Variants in RHOH observed in about 807,000 individuals in gnomAD.
RHOH encodes rho-related GTP-binding protein RhoH.
RHOH carries 6 observed loss-of-function variants against 13.8 expected under a neutral mutation model. The ratio of observed to expected loss-of-function variants is 0.44; its 90% CI spans 0.24 to 0.86. RHOH has a LOEUF of 0.86. Among genes scored for constraint, RHOH ranks in the 40% least tolerant of loss-of-function variants. RHOH has a pLI of 0.24. For missense variants in RHOH, 147 were observed against 244.5 expected, an observed-to-expected ratio of 0.60 and a Z score of 2.66; for synonymous variants, 117 against 103.0, an observed-to-expected ratio of 1.14 and a Z score of -0.82.
At chr4:40,203,433 G>A (rs1724267043) in intron 1 of RHOH, among the ~76,000 whole-genome samples, 1 of 152,182 alleles carries the variant, frequency 6.6e-6, no homozygotes, top group Admixed American at 6.5e-5. Context: ...TGAAGACTCT[G>A]ATGTGAATTG....
Position 40,243,794 on chromosome 4 carries a change from G to T in RHOH, c.408G>T (p.Gly136=). Residue 136 remains glycine, a synonymous_variant, in exon 3 of 3, where the codon GGG becomes GGT. Coordinates refer to ENST00000381799, the MANE Select transcript of RHOH (RefSeq NM_004310.5). The surrounding 1 kb of genome is among the most constrained non-coding windows in gnomAD (Gnocchi z 6.2). ...CCTCCTGCGTCAATGCCATGGAAGG[G>T]AAGAAACTGGCCCAGGATGTCAGAG... ...HRASCVNAME[G]KKLAQDVRAK... The T allele has an allele frequency of 6.2e-7, 1 of 1,614,148 alleles. No individual in the cohort carries two copies.
chr4:40,221,381 G>A (rs887901992), intron 1 of RHOH, among the ~76,000 whole-genome samples: 1 of 152,148 alleles, frequency 6.6e-6, no homozygotes, highest in African/African-American at 2.4e-5. Flanking sequence ...TACACAAACT[G>A]AAGGTTTGTG....
chr4:40,245,130 C>CACACAATAA lies in RHOH; in HGVS notation c.*1169_*1170insCACAATAAA, dbSNP rs1161870193. 1.3e-5 allele frequency: 2 copies of CACACAATAA among 152,196 alleles called. No individual in the cohort carries two copies. Among genetic ancestry groups the CACACAATAA allele is most frequent in the Non-Finnish European group, 2.9e-5 (2 of 68,038 alleles). 9.4% of individuals were successfully genotyped at this position (152,196 alleles called of 1,614,324 possible). On this transcript the variant is annotated 3_prime_UTR_variant, in exon 3 of 3. Coordinates refer to ENST00000381799, the MANE Select transcript of RHOH (RefSeq NM_004310.5). Reference sequence around the variant, plus strand: ...GAAATACTGAATAAATAGACACACACATACTCGCACACAACCTGCTCTCAC... The same window carrying CACACAATAA: ...GAAATACTGAATAAATAGACACACACACACAATAAATACTCGCACACAACCTGCTCTCAC...
intron 1 of RHOH, among the ~76,000 whole-genome samples, chr4:40,208,731 A>C (rs1486792152): frequency 6.6e-6 from 1 of 152,186 alleles, no homozygotes; most frequent in African/African-American, 2.4e-5. Flanking sequence ...AAGGTGTTTT[A>C]TTATAAAAGC....
upstream of RHOH, among the ~76,000 whole-genome samples, chr4:40,196,176 A>C (rs540699717): frequency 6.6e-6 from 1 of 152,340 alleles, no homozygotes; most frequent in African/African-American, 2.4e-5. Context: ...GCACTGATAA[A>C]ATAAAATAAA....
chr4:40,204,157 G>A (rs77279372), intron 1 of RHOH, among the ~76,000 whole-genome samples: 1,683 of 152,308 alleles, frequency 0.011, 33 homozygotes, highest in African/African-American at 0.038. Context: ...GGCTTTGGAA[G>A]TTTAGTGATT....
At chr4:40,242,661 CA>C (rs1413610732) in intron 1 of RHOH, 52 bp from the exon 2 acceptor site, 1 of 152,172 alleles carries the variant, frequency 6.6e-6, no homozygotes, top group Non-Finnish European at 1.5e-5. Context: ...AGTCAATAAA[CA>C]AAAAGAAATG....
chr4:40,240,870 C>CT (rs148332376), intron 1 of RHOH, among the ~76,000 whole-genome samples: 10,195 of 151,724 alleles, frequency 0.067, 1,137 homozygotes, highest in African/African-American at 0.23. Flanking sequence ...TCAAATAAAA[C>CT]TTAAGGCCAG....
intron 1 of RHOH, among the ~76,000 whole-genome samples, chr4:40,224,570 TGGG>T (rs1474206976): frequency 2.0e-5 from 3 of 152,196 alleles, no homozygotes; most frequent in Non-Finnish European, 4.4e-5. Flanking sequence ...AAAACCAGTG[TGGG>T]TCTGTTTTTT....
chr4:40,218,699 A>G lies in RHOH; in HGVS notation c.-331+21399A>G, dbSNP rs1726173539. Among the ~76,000 whole-genome samples, 1 of 152,252 alleles carries G rather than the reference A, an allele frequency of 6.6e-6. No individual in the cohort carries two copies. The highest frequency in any genetic ancestry group is 2.4e-5 in the African/African-American group (1 of 41,472). On this transcript the variant is annotated intron_variant, in intron 1 of 2. Coordinates refer to ENST00000381799, the MANE Select transcript of RHOH (RefSeq NM_004310.5). The surrounding 1 kb of genome is among the most constrained non-coding windows in gnomAD (Gnocchi z 4.1). ...GCAGCATGTGATATTGATGGTTCAC[A>G]GAAACATGAACTACCAGCCTTGGAG...
intron 1 of RHOH, among the ~76,000 whole-genome samples, chr4:40,230,068 G>A (rs748130101): frequency 6.6e-6 from 1 of 150,824 alleles, no homozygotes; most frequent in Non-Finnish European, 1.5e-5. Context: ...TTTTTGAGAC[G>A]GAGTCTCACT....
intron 1 of RHOH, among the ~76,000 whole-genome samples, chr4:40,227,652 C>G (rs1560276248): frequency 6.7e-6 from 1 of 148,970 alleles, no homozygotes; most frequent in African/African-American, 2.5e-5. Flanking sequence ...TACCTGGGCA[C>G]TATATATATA....
upstream of RHOH, among the ~76,000 whole-genome samples, chr4:40,195,655 AGGCT>A (rs1014340150): frequency 1.4e-4 from 21 of 152,044 alleles, no homozygotes; most frequent in African/African-American, 4.8e-4. Context: ...TACGTTGCCC[AGGCT>A]GGTCCCGAAC....
At chr4:40,201,528 T>C (rs1560682367) in intron 1 of RHOH, among the ~76,000 whole-genome samples, 1 of 152,228 alleles carries the variant, frequency 6.6e-6, no homozygotes, top group Non-Finnish European at 1.5e-5. Context: ...AAATGCTATA[T>C]AATATTGTGC....
chr4:40,241,316 C>T (rs931191333), intron 1 of RHOH, among the ~76,000 whole-genome samples: 12 of 152,176 alleles, frequency 7.9e-5, no homozygotes, highest in Admixed American at 3.9e-4. Context: ...ATGGATAACT[C>T]GATGGCTTCC....
upstream of RHOH, among the ~76,000 whole-genome samples, chr4:40,196,631 G>T (rs1321514095): frequency 6.6e-6 from 1 of 151,654 alleles, no homozygotes; most frequent in African/African-American, 2.4e-5. Flanking sequence ...GCTGATGGGG[G>T]GAAAGTTCTA....
intron 1 of RHOH, among the ~76,000 whole-genome samples, chr4:40,242,169 T>G (rs138003553): frequency 3.8e-4 from 58 of 152,364 alleles, no homozygotes; most frequent in African/African-American, 1.1e-3. Context: ...AAGGCGGAGC[T>G]CATTGCCTGG....
intron 1 of RHOH, among the ~76,000 whole-genome samples, chr4:40,206,980 G>A (rs1470226181): frequency 3.3e-5 from 5 of 152,206 alleles, no homozygotes; most frequent in Non-Finnish European, 7.4e-5. Flanking sequence ...AGGCTGAAGC[G>A]GGCGGATCAC....
At chr4:40,224,621 A>G (rs1727008374) in intron 1 of RHOH, among the ~76,000 whole-genome samples, 1 of 152,214 alleles carries the variant, frequency 6.6e-6, no homozygotes, top group South Asian at 2.1e-4. Flanking sequence ...AGTCAGAGTA[A>G]GTTCTTAATG....
Sources: gnomAD v4.1 joint callset for allele counts (sites outside exome capture counted in the v4.1 genomes callset) on GRCh38, gnomAD v4.1.1 for gene constraint, Gnocchi (gnomAD v3.1) non-coding constraint, MANE v1.5 for transcripts, NCBI Gene and HGNC (gene_info 2026-07-23, HGNC 2026-07-21) for gene names.